Variants in SGCD observed in about 807,000 individuals in gnomAD.
SGCD encodes sarcoglycan delta.
In SGCD, 18 loss-of-function variants were observed where a neutral mutation model predicts 36.6. The observed-to-expected ratio is 0.49, with a 90% CI of 0.34 to 0.73. The LOEUF is 0.73. SGCD is among the 30% of genes least tolerant of loss of function. The probability of loss-of-function intolerance (pLI) is 0.01; values close to 1 mark genes in which losing one functional copy is unlikely to be tolerated. For synonymous variants in SGCD, 133 were observed against 130.6 expected, an observed-to-expected ratio of 1.02 and a Z score of -0.12; for missense variants, 387 against 346.7, an observed-to-expected ratio of 1.12 and a Z score of -0.92.
chr5:155,755,873 TG>T, the SGCD span, among the ~76,000 whole-genome samples: 5 of 152,216 alleles, frequency 3.3e-5, no homozygotes, highest in African/African-American at 1.2e-4. Flanking sequence ...CAATTGATTG[TG>T]GTTAAATAGA....
chr5:156,280,010 CAT>C (rs1391381565), intron 3 of SGCD, among the ~76,000 whole-genome samples: 3 of 151,466 alleles, frequency 2.0e-5, no homozygotes, highest in Admixed American at 1.3e-4. Flanking sequence ...CACACACAAA[CAT>C]ATGTGTGGGT....
the SGCD span, among the ~76,000 whole-genome samples, chr5:155,827,262 G>T: frequency 6.6e-6 from 1 of 152,182 alleles, no homozygotes; most frequent in South Asian, 2.1e-4. Flanking sequence ...AGAGTTTACT[G>T]TTTCATGTAA....
chr5:156,568,793 T>C (rs1416842978), intron 4 of SGCD, among the ~76,000 whole-genome samples: 2 of 152,210 alleles, frequency 1.3e-5, no homozygotes, highest in Non-Finnish European at 2.9e-5. Flanking sequence ...ATAAGGGAAA[T>C]GCATTAATGA....
intron 6 of SGCD, among the ~76,000 whole-genome samples, chr5:156,620,406 C>T (rs747405714): frequency 2.6e-5 from 4 of 152,154 alleles, no homozygotes; most frequent in Admixed American, 6.5e-5. Flanking sequence ...TATTCTTGTA[C>T]GGGTATCAAA....
chr5:156,096,208 C>T (rs1208287483), intron 1 of SGCD, among the ~76,000 whole-genome samples: 2 of 152,196 alleles, frequency 1.3e-5, no homozygotes, highest in East Asian at 1.9e-4. Context: ...CCCTGGTGTC[C>T]TTCCATGGCC....
At chr5:156,692,847 T>C (rs1423287696) in intron 7 of SGCD, among the ~76,000 whole-genome samples, 1 of 152,226 alleles carries the variant, frequency 6.6e-6, no homozygotes, top group Non-Finnish European at 1.5e-5. Context: ...GCCTGCAATT[T>C]GTATGTACAA....
chr5:156,210,229 A>C (rs539672383), intron 3 of SGCD, among the ~76,000 whole-genome samples: 1 of 152,242 alleles, frequency 6.6e-6, no homozygotes, highest in East Asian at 1.9e-4. Flanking sequence ...AGCCTGCTTA[A>C]AAAGACTTCG....
chr5:156,268,089 T>C (rs1037999756), intron 3 of SGCD, among the ~76,000 whole-genome samples: 2 of 152,198 alleles, frequency 1.3e-5, no homozygotes, highest in African/African-American at 4.8e-5. Context: ...CATGCAGTAT[T>C]TTGTTTTCTG....
In SGCD at chr5:156,631,478, A is replaced by T. The variant is rs555523825; in HGVS notation, c.503-15986A>T. 3.5e-3 allele frequency among the ~76,000 whole-genome samples: 435 copies of T among 125,462 alleles called. 2 individuals are homozygous for T. The highest frequency in any genetic ancestry group is 7.6e-3 in the Middle Eastern group (2 of 264). 82.3% of individuals were successfully genotyped at this position (125,462 alleles called of 152,430 possible). A position where few individuals can be genotyped will look rare whatever the true frequency, so the allele number is the denominator to read the frequency against. On this transcript the variant is annotated intron_variant, in intron 6 of 8. Coordinates refer to ENST00000337851, the MANE Select transcript of SGCD (RefSeq NM_000337.6). ...ACACTTGCTTTTTTTTTTTTTTTTA[A>T]AAAAAAGATAATTGGTTCAACATCT... is the stretch of plus-strand genomic sequence containing the variant.
At chr5:156,347,298 C>T (rs139799254) in intron 3 of SGCD, among the ~76,000 whole-genome samples, 22 of 152,194 alleles carry the variant, frequency 1.4e-4, no homozygotes, top group African/African-American at 4.8e-4. Flanking sequence ...TGCCATCTGT[C>T]GATGTGCATG....
At chr5:156,353,947 A>T (rs1165412951) in intron 3 of SGCD, among the ~76,000 whole-genome samples, 1 of 152,204 alleles carries the variant, frequency 6.6e-6, no homozygotes, top group East Asian at 1.9e-4. Context: ...TGCAAATAAC[A>T]TGAATCAAAG....
chr5:155,777,901 T>TTCCAGC, the SGCD span, among the ~76,000 whole-genome samples: 1 of 152,326 alleles, frequency 6.6e-6, no homozygotes, highest in East Asian at 1.9e-4. Context: ...CTGAAAGTTG[T>TTCCAGC]TCCAGCCACA....
Position 156,462,812 on chromosome 5 carries a change from A to G in SGCD, c.193-45789A>G, listed in dbSNP as rs963465579. ...AATTGCAGTTTTGGCCATTACTTTC[A>G]ATGGCTAAAACTGCAATTATTTTTG... On this transcript the variant is annotated intron_variant, in intron 3 of 8. Coordinates refer to ENST00000337851, the MANE Select transcript of SGCD (RefSeq NM_000337.6). Among the ~76,000 whole-genome samples, 8 of 152,122 alleles carry G rather than the reference A, an allele frequency of 5.3e-5. 1 individual carries two copies. Among genetic ancestry groups the G allele is most frequent in the Non-Finnish European group, 1.2e-4 (8 of 67,992 alleles).
At chr5:156,565,266 A>G (rs1759430556) in intron 4 of SGCD, among the ~76,000 whole-genome samples, 1 of 152,238 alleles carries the variant, frequency 6.6e-6, no homozygotes, top group Non-Finnish European at 1.5e-5. Flanking sequence ...AGTAAGTAAT[A>G]GATTTCTTGA....
chr5:155,819,914 A>G, the SGCD span, among the ~76,000 whole-genome samples: 1 of 152,182 alleles, frequency 6.6e-6, no homozygotes, highest in South Asian at 2.1e-4. Flanking sequence ...TAATCAAAAC[A>G]ATATTAGCCT....
intron 1 of SGCD, among the ~76,000 whole-genome samples, chr5:156,050,580 C>T (rs1759891421): frequency 6.8e-6 from 1 of 146,410 alleles, no homozygotes; most frequent in Admixed American, 6.8e-5. Flanking sequence ...CTATATAGCT[C>T]TCTTTAACCA....
rs954274549 is a variant in SGCD, at chr5:156,075,202, A to T, written c.-281-42676A>T. Among the ~76,000 whole-genome samples the T allele has an allele frequency of 1.1e-4, 17 of 152,086 alleles. No individual in the cohort carries two copies. In the East Asian group the frequency reaches 3.3e-3, roughly 29 times the overall value. On this transcript the variant is annotated intron_variant, in intron 1 of 9. Coordinates refer to the SGCD transcript ENST00000517913. Reference sequence around the variant, plus strand: ...ATGTAGTCAAATTTACAAAAAAAAAATGCAGAAAGTGAATTAGAACTCTTT... The same window carrying T: ...ATGTAGTCAAATTTACAAAAAAAAATTGCAGAAAGTGAATTAGAACTCTTT...
chr5:155,900,973 T>C (rs1756375623), intron 1 of SGCD, among the ~76,000 whole-genome samples: 2 of 152,218 alleles, frequency 1.3e-5, no homozygotes, highest in South Asian at 4.1e-4. Context: ...TATCACCAAA[T>C]GCTGGAGTTT....
rs1289804779 is a variant in SGCD, at chr5:156,049,210, C to T, written c.-281-68668C>T. 2.7e-5 allele frequency among the ~76,000 whole-genome samples: 4 copies of T among 146,270 alleles called. 1 individual carries two copies. Among genetic ancestry groups the T allele is most frequent in the Admixed American group, 6.8e-5 (1 of 14,652 alleles). On this transcript the variant is annotated intron_variant, in intron 1 of 9. Coordinates refer to the SGCD transcript ENST00000517913. ...TCTCTGTTTTGGTACCAGTACCATGCTGTTTTGGTTACTGTAGGCTTGTAG... is the reference window on the plus strand; with the variant it reads ...TCTCTGTTTTGGTACCAGTACCATGTTGTTTTGGTTACTGTAGGCTTGTAG...
Sources: allele counts gnomAD v4.1 joint callset (sites outside exome capture counted in the v4.1 genomes callset), GRCh38; gene constraint gnomAD v4.1.1; transcripts MANE v1.5; gene names NCBI Gene and HGNC (gene_info 2026-07-23, HGNC 2026-07-21).